The following IQCK variants were observed in gnomAD, a reference collection of about 807,000 sequenced individuals.
The protein encoded by IQCK is IQ domain-containing protein K.
IQCK carries 29 observed loss-of-function variants against 28.1 expected under a neutral mutation model. That is an observed-to-expected ratio of 1.03 (90% CI 0.77 to 1.41). The LOEUF (loss-of-function observed/expected upper bound fraction) is 1.41. IQCK is among the 40% of genes most tolerant of loss of function. The pLI is 0.00. For missense variants in IQCK, 359 were observed against 314.7 expected, an observed-to-expected ratio of 1.14 and a Z score of -1.07; for synonymous variants, 113 against 115.1, an observed-to-expected ratio of 0.98 and a Z score of 0.12.
At chr16:19,726,688 AAATG>A (rs1389793396) in intron 1 of IQCK, among the ~76,000 whole-genome samples, 4 of 152,204 alleles carry the variant, frequency 2.6e-5, no homozygotes, top group Admixed American at 1.3e-4. Context: ...CAATAGATAT[AAATG>A]AATGAATAAG....
intron 9 of IQCK, among the ~76,000 whole-genome samples, chr16:19,849,808 G>T (rs1386895659): frequency 1.3e-5 from 2 of 151,684 alleles, no homozygotes; most frequent in African/African-American, 4.8e-5. Flanking sequence ...TGAAAGAAAA[G>T]AAAGGAAGGC....
exon 10 of IQCK, chr16:19,858,250 G>T (rs566023622): frequency 2.7e-4 from 102 of 381,740 alleles, no homozygotes; most frequent in Non-Finnish European, 4.2e-4. Context: ...TTATGAAGGC[G>T]TTCAGCCCAC....
chr16:19,820,334 T>G (rs550143264), intron 7 of IQCK, among the ~76,000 whole-genome samples: 1 of 152,040 alleles, frequency 6.6e-6, no homozygotes, highest in East Asian at 1.9e-4. Flanking sequence ...CTGGCCAACA[T>G]GGCAAAACCC....
chr16:19,737,194 G>C (rs1056096164), intron 4 of IQCK, among the ~76,000 whole-genome samples: 35 of 151,942 alleles, frequency 2.3e-4, no homozygotes, highest in African/African-American at 8.0e-4. Flanking sequence ...AAAGTCGGCA[G>C]TAATTACAGT....
At chr16:19,826,154 T>C (rs1178060784) in intron 7 of IQCK, among the ~76,000 whole-genome samples, 2 of 151,820 alleles carry the variant, frequency 1.3e-5, no homozygotes, top group East Asian at 1.9e-4. Context: ...CTACAGGTGT[T>C]CACCACCACA....
chr16:19,852,743 C>T (rs1315124277), intron 9 of IQCK, among the ~76,000 whole-genome samples: 1 of 151,846 alleles, frequency 6.6e-6, no homozygotes, highest in Non-Finnish European at 1.5e-5. Flanking sequence ...CTGCCTCAGC[C>T]TCCCGAGTAG....
At chr16:19,729,631 T>TTTTA (rs1183371155) in intron 1 of IQCK, among the ~76,000 whole-genome samples, 5 of 151,626 alleles carry the variant, frequency 3.3e-5, no homozygotes, top group Admixed American at 6.6e-5. Context: ...TTTTATTTTA[T>TTTTA]TTTATTTATT....
chr16:19,740,739 G>A (rs1296967030), intron 4 of IQCK, among the ~76,000 whole-genome samples: 3 of 152,024 alleles, frequency 2.0e-5, no homozygotes, highest in Non-Finnish European at 4.4e-5. Flanking sequence ...GGGAGGCTGA[G>A]GCATGTGGAT....
chr16:19,721,260 G>A (rs1352224663), intron 1 of IQCK, among the ~76,000 whole-genome samples: 1 of 152,070 alleles, frequency 6.6e-6, no homozygotes, highest in Non-Finnish European at 1.5e-5. Flanking sequence ...AATTATCATA[G>A]CAAACAGACC....
At chr16:19,750,692 C>G (rs546104944) in intron 4 of IQCK, among the ~76,000 whole-genome samples, 1 of 149,676 alleles carries the variant, frequency 6.7e-6, no homozygotes, top group African/African-American at 2.5e-5. Flanking sequence ...GAACTCCTGA[C>G]CTCAAGTGAT....
intron 7 of IQCK, among the ~76,000 whole-genome samples, chr16:19,823,497 G>C (rs2056103070): frequency 6.6e-6 from 1 of 152,122 alleles, no homozygotes; most frequent in African/African-American, 2.4e-5. Context: ...AGGACACCTG[G>C]GGTCCCTGGG....
rs575357581 is a variant in IQCK at position 19,785,398 on chromosome 16, C to T, written c.606-3440C>T. On this transcript the variant is annotated intron_variant, in intron 6 of 7. Transcript: ENST00000564186. ...GACACATTTGAGGAGCTGCCAAGTGCCAGTGAGGCAGGAGAATAGGGTCTG... is the reference window on the plus strand; with the variant it reads ...GACACATTTGAGGAGCTGCCAAGTGTCAGTGAGGCAGGAGAATAGGGTCTG... Among the ~76,000 whole-genome samples, 10 of 152,264 alleles carry T rather than the reference C, an allele frequency of 6.6e-5. No homozygotes were observed. In the South Asian group the frequency reaches 1.9e-3, roughly 28 times the overall value.
chr16:19,731,718 G>A (rs562780479), intron 2 of IQCK, among the ~76,000 whole-genome samples: 3 of 152,262 alleles, frequency 2.0e-5, no homozygotes, highest in African/African-American at 7.2e-5. Context: ...AGAATCAGTA[G>A]GATACATATA....
At chr16:19,763,436 G>A (rs536674898) in intron 4 of IQCK, among the ~76,000 whole-genome samples, 2 of 151,958 alleles carry the variant, frequency 1.3e-5, no homozygotes, top group Admixed American at 6.6e-5. Flanking sequence ...GGCACACTTG[G>A]TGTTAAGTTT....
exon 10 of IQCK, chr16:19,857,374 C>T (rs931753427): frequency 1.2e-5 from 5 of 415,842 alleles, no homozygotes; most frequent in Non-Finnish European, 1.8e-5. Context: ...GGTTTACAGC[C>T]TTTTAAATTT....
chr16:19,755,108 G>A, intron 4 of IQCK, among the ~76,000 whole-genome samples: 1 of 152,166 alleles, frequency 6.6e-6, no homozygotes, highest in East Asian at 1.9e-4. Context: ...TTATTTCTGG[G>A]ATCATAGTTA....
intron 1 of IQCK, among the ~76,000 whole-genome samples, chr16:19,729,909 G>T (rs768665015): frequency 8.6e-5 from 13 of 151,856 alleles, no homozygotes; most frequent in Non-Finnish European, 1.8e-4. Context: ...CTCCCAAAGT[G>T]TTGGGATTAC....
At chr16:19,786,202 A>C (rs539962019) in intron 6 of IQCK, among the ~76,000 whole-genome samples, 7 of 152,212 alleles carry the variant, frequency 4.6e-5, no homozygotes, top group Admixed American at 3.3e-4. Context: ...TGTTGGTGTC[A>C]CACAACTGAG....
At chr16:19,765,221 C>CAAAA (rs756571642) in intron 6 of IQCK, among the ~76,000 whole-genome samples, 1 of 62,954 alleles carries the variant, frequency 1.6e-5, no homozygotes, top group African/African-American at 5.5e-5. Context: ...GACTCCATCT[C>CAAAA]AAAAAAAAAA....
Sources: allele counts gnomAD v4.1 joint callset (sites outside exome capture counted in the v4.1 genomes callset), GRCh38; gene constraint gnomAD v4.1.1; transcripts MANE v1.5; gene names NCBI Gene and HGNC (gene_info 2026-07-23, HGNC 2026-07-21).